TENM1: variants seen among roughly 807,000 people sequenced by gnomAD.
TENM1 encodes the protein teneurin transmembrane protein 1, also known as teneurin-1.
In TENM1, 35 loss-of-function variants were observed where a neutral mutation model predicts 174.8. The ratio of observed to expected loss-of-function variants is 0.20; its 90% CI spans 0.15 to 0.27. TENM1 has a LOEUF of 0.27. TENM1 is among the 10% of genes least tolerant of loss of function. The pLI is 1.00. For synonymous variants in TENM1, 781 were observed against 798.7 expected (o/e 0.98, Z 0.37); for missense variants, 1,633 against 2,130.1 (o/e 0.77, Z 4.59).
upstream of TENM1, among the ~76,000 whole-genome samples, chrX:124,968,386 GT>G (rs1257464907): frequency 4.5e-5 from 5 of 111,515 alleles, no homozygotes; most frequent in African/African-American, 1.6e-4. Flanking sequence ...TGAATGTTGT[GT>G]TTTGGCAAAT....
chrX:124,392,068 T>G, exon 28 of TENM1: 1 of 1,206,966 alleles, frequency 8.3e-7, no homozygotes, highest in Non-Finnish European at 1.1e-6. Context: ...TAAGTAGGTA[T>G]AGCTCCAAAT....
the TENM1 span, among the ~76,000 whole-genome samples, chrX:125,004,946 G>C: frequency 9.0e-6 from 1 of 110,777 alleles, no homozygotes; most frequent in Non-Finnish European, 1.9e-5. Context: ...TGAAACGACT[G>C]GCTCAGGATA....
chrX:124,586,815 A>C (rs1191462826), intron 11 of TENM1, among the ~76,000 whole-genome samples: 4 of 107,503 alleles, frequency 3.7e-5, no homozygotes, highest in Non-Finnish European at 5.8e-5. Context: ...AAATCTCCTT[A>C]AGCTGATAAG....
At chrX:125,012,753 T>C in the TENM1 span, among the ~76,000 whole-genome samples, 195 of 111,840 alleles carry the variant, frequency 1.7e-3, no homozygotes, top group African/African-American at 6.2e-3. Flanking sequence ...TCAATTTAAA[T>C]GAAGGCTAAT....
intron 1 of TENM1, among the ~76,000 whole-genome samples, chrX:124,929,271 C>A (rs1015037908): frequency 8.9e-6 from 1 of 111,820 alleles, no homozygotes; most frequent in Non-Finnish European, 1.9e-5. Context: ...TTAAATATAG[C>A]CTTGTCACTA....
At chrX:124,462,294 T>C (rs1301905084) in intron 22 of TENM1, among the ~76,000 whole-genome samples, 1 of 110,474 alleles carries the variant, frequency 9.1e-6, no homozygotes, top group Non-Finnish European at 1.9e-5. Context: ...AATCACTAGA[T>C]GGAAGAAGGC....
At chrX:124,437,918 C>T (rs1194997235) in intron 23 of TENM1, among the ~76,000 whole-genome samples, 1 of 112,208 alleles carries the variant, frequency 8.9e-6, no homozygotes, top group Non-Finnish European at 1.9e-5. Context: ...GAAAAGATGG[C>T]ACTCTTGCTG....
the TENM1 span, among the ~76,000 whole-genome samples, chrX:125,154,443 G>T: frequency 1.8e-5 from 2 of 111,930 alleles, no homozygotes; most frequent in Non-Finnish European, 3.8e-5. Flanking sequence ...ACACCTTACC[G>T]TGTTAACAGA....
chrX:124,578,947 G>A (rs1169051850), intron 11 of TENM1, among the ~76,000 whole-genome samples: 1 of 112,125 alleles, frequency 8.9e-6, no homozygotes, highest in African/African-American at 3.2e-5. Context: ...ACTGAAATCT[G>A]CTGTCCATCT....
At chrX:125,190,689 T>C in the TENM1 span, among the ~76,000 whole-genome samples, 2 of 111,575 alleles carry the variant, frequency 1.8e-5, no homozygotes, top group African/African-American at 6.5e-5. Flanking sequence ...TGTTTATTTG[T>C]TCCCAAACCT....
At position 124,850,622 on chromosome X, in the gene TENM1, G is replaced by C. The variant is rs138276640; in HGVS notation, c.535+43674C>G. Among the ~76,000 whole-genome samples the C allele has an allele frequency of 9.5e-4, 105 of 111,092 alleles. No homozygotes were observed. The East Asian group carries it at 0.029, about 31-fold the overall frequency. ...AAGAAGGCCAGAGGAGGAATGACTC[G>C]ATTTTATTTTTCCCATGGGCAAAGG... On this transcript the variant is annotated intron_variant, in intron 3 of 31. Transcript: ENST00000422452.
intron 17 of TENM1, among the ~76,000 whole-genome samples, chrX:124,522,106 C>T (rs146985513): frequency 8.9e-6 from 1 of 111,895 alleles, no homozygotes; most frequent in African/African-American, 3.2e-5. Flanking sequence ...GATTGGCATA[C>T]CAATCAAATG....
At chrX:124,729,310 T>C (rs1191920341) in intron 4 of TENM1, among the ~76,000 whole-genome samples, 1 of 112,481 alleles carries the variant, frequency 8.9e-6, no homozygotes, top group African/African-American at 3.2e-5. Flanking sequence ...ACACTTTCTA[T>C]GTGCCTGGCT....
the TENM1 span, among the ~76,000 whole-genome samples, chrX:125,171,331 T>C: frequency 9.0e-5 from 10 of 110,832 alleles, no homozygotes; most frequent in East Asian, 2.8e-3. Flanking sequence ...ACATAAATTA[T>C]ACCCCGAGAT....
intron 3 of TENM1, among the ~76,000 whole-genome samples, chrX:124,805,789 C>T (rs1264291887): frequency 2.7e-5 from 3 of 113,011 alleles, no homozygotes; most frequent in Non-Finnish European, 5.6e-5. Flanking sequence ...GGCCAGAGGG[C>T]CTGCTGGAGT....
chrX:124,597,153 C>A lies in TENM1; in HGVS notation c.2078-31593G>T, dbSNP rs759227746. ...ACTAAAAGTAGATCTACCATTTGATCCAGCAATCCCACTCCTGGATATCTA... is the reference window on the plus strand; with the variant it reads ...ACTAAAAGTAGATCTACCATTTGATACAGCAATCCCACTCCTGGATATCTA... On this transcript the variant is annotated intron_variant, in intron 11 of 31. Transcript: ENST00000422452. Among the ~76,000 whole-genome samples the A allele has an allele frequency of 4.5e-4, 50 of 111,341 alleles. 1 individual carries two copies. The highest frequency in any genetic ancestry group is 1.6e-3 in the African/African-American group (48 of 30,680).
At chrX:124,879,296 C>T (rs2057263977) in intron 3 of TENM1, among the ~76,000 whole-genome samples, 2 of 111,877 alleles carry the variant, frequency 1.8e-5, no homozygotes, top group Non-Finnish European at 3.8e-5. Flanking sequence ...CCTTCCCATC[C>T]TCTGGTATCT....
At chrX:124,497,315 A>G (rs1421796319) in intron 19 of TENM1, 50 bp from the exon 23 acceptor site, 1 of 1,129,750 alleles carries the variant, frequency 8.9e-7, no homozygotes, top group East Asian at 3.1e-5. Context: ...AATTACCACA[A>G]AATAATCTCA....
intron 1 of TENM1, among the ~76,000 whole-genome samples, chrX:124,905,130 G>A (rs987292083): frequency 9.1e-6 from 1 of 109,944 alleles, no homozygotes; most frequent in African/African-American, 3.3e-5. Flanking sequence ...TTGAAACCAG[G>A]CTGAGTAACA....
Sources: gnomAD v4.1 joint callset for allele counts (sites outside exome capture counted in the v4.1 genomes callset) on GRCh38, gnomAD v4.1.1 for gene constraint, MANE v1.5 for transcripts, NCBI Gene and HGNC (gene_info 2026-07-23, HGNC 2026-07-21) for gene names.